Variants in MAP4K5 observed in about 807,000 individuals in gnomAD.
The protein encoded by MAP4K5 is mitogen-activated protein kinase kinase kinase kinase 5.
A neutral mutation model predicts 135.6 loss-of-function variants in MAP4K5; 82 were observed. The ratio of observed to expected loss-of-function variants is 0.60; its 90% CI spans 0.51 to 0.73. The LOEUF (loss-of-function observed/expected upper bound fraction) is 0.73. Among genes scored for constraint, MAP4K5 ranks in the 30% least tolerant of loss-of-function variants. The pLI is 0.00. For missense variants in MAP4K5, 907 were observed against 1,010.9 expected (o/e 0.90, Z 1.39); for synonymous variants, 347 against 335.0 (o/e 1.04, Z -0.39).
At chr14:50,478,761 T>C (rs191590557) in intron 6 of MAP4K5, among the ~76,000 whole-genome samples, 2 of 152,272 alleles carry the variant, frequency 1.3e-5, no homozygotes, top group East Asian at 1.9e-4. Context: ...CTTTCAGTGT[T>C]TGTAAGTCTG....
intron 2 of MAP4K5, among the ~76,000 whole-genome samples, chr14:50,538,635 A>G (rs1243686319): frequency 6.6e-6 from 1 of 152,200 alleles, no homozygotes; most frequent in Non-Finnish European, 1.5e-5. Flanking sequence ...ATGAGCAGAA[A>G]AAGCTACAAT....
chr14:50,418,611 C>T lies in MAP4K5; in HGVS notation c.*1408G>A, dbSNP rs541450054. 1 of 152,738 alleles carries T rather than the reference C, an allele frequency of 6.5e-6. No homozygotes were observed. The highest frequency in any genetic ancestry group is 2.4e-5 in the African/African-American group (1 of 41,566). The allele number at this position is 152,738 out of a possible 1,614,324, so 9.5% of individuals were successfully genotyped here. A position where few individuals can be genotyped will look rare whatever the true frequency, so the allele number is the denominator to read the frequency against. Reference sequence around the variant, plus strand: ...ATGGTCAGGCTCAACTACTAACTTGCTGTGTAAATTGGATAGATCTCTTAA... The same window carrying T: ...ATGGTCAGGCTCAACTACTAACTTGTTGTGTAAATTGGATAGATCTCTTAA... On this transcript the variant is annotated 3_prime_UTR_variant, in exon 33 of 33. Transcript: ENST00000682126.
intron 32 of MAP4K5, among the ~76,000 whole-genome samples, chr14:50,420,433 C>A (rs993613776): frequency 2.0e-5 from 3 of 151,744 alleles, no homozygotes; most frequent in Admixed American, 1.3e-4. Context: ...GAGTTTGAGA[C>A]CAGCCTGAGC....
chr14:50,513,130 T>C (rs2037963768), intron 2 of MAP4K5, among the ~76,000 whole-genome samples: 1 of 152,218 alleles, frequency 6.6e-6, no homozygotes, highest in Non-Finnish European at 1.5e-5. Context: ...GATAAACTCA[T>C]AATGAATGGA....
intron 21 of MAP4K5, among the ~76,000 whole-genome samples, chr14:50,441,741 TATACACACACACACACACACAC>T (rs1288922175): frequency 9.9e-6 from 1 of 101,308 alleles, no homozygotes; most frequent in East Asian, 2.9e-4. Flanking sequence ...AAAATTATTT[TATACACACACACACACACACAC>T]ACACACACAC....
intron 1 of MAP4K5, among the ~76,000 whole-genome samples, chr14:50,544,866 G>A (rs2140151017): frequency 7.0e-6 from 1 of 142,526 alleles, no homozygotes; most frequent in African/African-American, 2.6e-5. Flanking sequence ...GAGCCTGGGA[G>A]ATGGATGCTG....
At chr14:50,546,935 C>T (rs1238949444) in intron 1 of MAP4K5, among the ~76,000 whole-genome samples, 5 of 151,942 alleles carry the variant, frequency 3.3e-5, no homozygotes, top group African/African-American at 1.2e-4. Context: ...TTTGCTGCAC[C>T]CATATACCCG....
At chr14:50,479,434 T>G (rs2037187605) in intron 6 of MAP4K5, among the ~76,000 whole-genome samples, 1 of 152,154 alleles carries the variant, frequency 6.6e-6, no homozygotes, top group Admixed American at 6.5e-5. Context: ...ATCAGACACA[T>G]GTTAATTAAC....
intron 13 of MAP4K5, among the ~76,000 whole-genome samples, 180 bp downstream of exon 13, chr14:50,462,485 T>C (rs538605600): frequency 6.6e-6 from 1 of 152,220 alleles, no homozygotes; most frequent in Admixed American, 6.5e-5. Context: ...TATACCACAA[T>C]AAAAAAGTAT....
intron 1 of MAP4K5, among the ~76,000 whole-genome samples, chr14:50,555,889 G>T (rs2038759544): frequency 6.6e-6 from 1 of 152,146 alleles, no homozygotes; most frequent in African/African-American, 2.4e-5. Flanking sequence ...TATTTATAGA[G>T]GGAAGGAGCA....
Position 50,428,699 on chromosome 14 carries a change from G to A in MAP4K5, c.2289C>T (p.Ala763=). The A allele has an allele frequency of 6.6e-7, 1 of 1,520,388 alleles. No homozygotes were observed. The highest frequency in any genetic ancestry group is 8.8e-7 in the Non-Finnish European group (1 of 1,138,296). 94.2% of individuals were successfully genotyped at this position (1,520,388 alleles called of 1,614,324 possible). ...TGCGAAAATCAAAACTTAACTCAGA[G>A]GCCAGTTTCTTACTTGATTTTAATT... ...QGKLKSSKKL[A]SELSFDFRIE... The change falls in exon 30 of 33, where the codon GCC becomes GCT. Residue 763 remains alanine, a synonymous_variant. Transcript: ENST00000682126.
At chr14:50,513,471 A>C (rs1350639518) in intron 2 of MAP4K5, among the ~76,000 whole-genome samples, 1 of 152,228 alleles carries the variant, frequency 6.6e-6, no homozygotes, top group Non-Finnish European at 1.5e-5. Context: ...TAATGAAGAA[A>C]AGTCTAAACA....
chr14:50,451,749 C>T lies in MAP4K5; in HGVS notation c.1016-2917G>A, dbSNP rs140362883. Among the ~76,000 whole-genome samples the T allele has an allele frequency of 2.2e-4, 34 of 151,310 alleles. 1 individual carries two copies. In the East Asian group the frequency reaches 6.2e-3, roughly 28 times the overall value. On this transcript the variant is annotated intron_variant, in intron 14 of 32. Transcript: ENST00000682126. Reference sequence around the variant, plus strand: ...TATTTTTAGGATGAATATAGCTTGTCGAAAAGCCTCAACTATACCAATGGT... The same window carrying T: ...TATTTTTAGGATGAATATAGCTTGTTGAAAAGCCTCAACTATACCAATGGT...
chr14:50,484,846 A>G (rs2037329533), intron 5 of MAP4K5, among the ~76,000 whole-genome samples: 1 of 152,216 alleles, frequency 6.6e-6, no homozygotes, highest in South Asian at 2.1e-4. Context: ...TTTCCAATAT[A>G]AAGATTTCAG....
chr14:50,426,037 T>C, intron 30 of MAP4K5, 60 bp from the exon 31 acceptor site: 1 of 1,055,514 alleles, frequency 9.5e-7, no homozygotes, highest in Non-Finnish European at 1.4e-6. Context: ...CACTATAAAT[T>C]TTCTCTACTT....
rs551475793 is a variant in MAP4K5 at position 50,453,199 on chromosome 14, G to A, written c.1015+3317C>T. 4.0e-5 allele frequency among the ~76,000 whole-genome samples: 6 copies of A among 150,962 alleles called. No homozygotes were observed. In the East Asian group the frequency reaches 1.2e-3, roughly 29 times the overall value. Reference sequence around the variant, plus strand: ...CGTGAATACCTCCTACCTTCCCTTGGTGCCAATTCCTTGTAATCAGCTGGT... The same window carrying A: ...CGTGAATACCTCCTACCTTCCCTTGATGCCAATTCCTTGTAATCAGCTGGT... On this transcript the variant is annotated intron_variant, in intron 14 of 32. Transcript: ENST00000682126.
chr14:50,458,377 C>A (rs1017853661), intron 13 of MAP4K5, among the ~76,000 whole-genome samples: 5 of 151,976 alleles, frequency 3.3e-5, no homozygotes, highest in Admixed American at 6.6e-5. Flanking sequence ...ACCACACACA[C>A]AAAAAAATCC....
At chr14:50,503,714 C>T (rs1370240342) in intron 3 of MAP4K5, among the ~76,000 whole-genome samples, 1 of 151,918 alleles carries the variant, frequency 6.6e-6, no homozygotes, top group Non-Finnish European at 1.5e-5. Context: ...TAAGTGAAAC[C>T]GTGTTGTAAC....
chr14:50,519,603 G>A (rs559243154), intron 2 of MAP4K5, among the ~76,000 whole-genome samples: 4 of 152,072 alleles, frequency 2.6e-5, no homozygotes, highest in South Asian at 4.2e-4. Flanking sequence ...GTAATGAGTC[G>A]AGATTGTGCC....
Sources: gnomAD v4.1 joint callset for allele counts (sites outside exome capture counted in the v4.1 genomes callset) on GRCh38, gnomAD v4.1.1 for gene constraint, MANE v1.5 for transcripts, NCBI Gene and HGNC (gene_info 2026-07-23, HGNC 2026-07-21) for gene names.